MAGEA11: variants seen among roughly 807,000 people sequenced by gnomAD.
The protein encoded by MAGEA11 is melanoma-associated antigen 11.
Under a neutral mutation model 8.4 loss-of-function variants are expected in MAGEA11, and 1 was observed. That is an observed-to-expected ratio of 0.12 (90% confidence interval 0.04 to 0.57). The LOEUF is 0.57. Ranked by LOEUF, MAGEA11 falls within the 20% of genes least tolerant of loss-of-function variation. The pLI is 0.91. For synonymous variants in MAGEA11, 127 were observed against 119.3 expected (o/e 1.06, Z -0.42); for missense variants, 209 against 317.3 (o/e 0.66, Z 2.59).
At chrX:149,701,403 T>C (rs1557361004) in intron 1 of MAGEA11, among the ~76,000 whole-genome samples, 1 of 110,947 alleles carries the variant, frequency 9.0e-6, no homozygotes, top group Admixed American at 9.6e-5. Context: ...ACCCACTTTT[T>C]GATGGGGTTG....
At chrX:149,707,444 T>C (rs782149066), upstream of MAGEA11, among the ~76,000 whole-genome samples, 224 of 112,108 alleles carry the variant, frequency 2.0e-3, 1 homozygote, top group South Asian at 6.1e-3. Context: ...GGGGGAGGTC[T>C]TGTGATTTCT....
At chrX:149,696,620 C>T (rs1557360567) in intron 1 of MAGEA11, among the ~76,000 whole-genome samples, 1 of 110,636 alleles carries the variant, frequency 9.0e-6, no homozygotes, top group Non-Finnish European at 1.9e-5. Context: ...GGTCTTCTTC[C>T]AGACTCAGGA....
intron 1 of MAGEA11, among the ~76,000 whole-genome samples, chrX:149,691,330 A>T (rs1190843493): frequency 9.0e-6 from 1 of 110,989 alleles, no homozygotes; most frequent in Non-Finnish European, 1.9e-5. Context: ...CTCTATTATC[A>T]GTGTCATGTG....
intron 1 of MAGEA11, among the ~76,000 whole-genome samples, chrX:149,712,367 C>T (rs1164152913): frequency 8.9e-6 from 1 of 112,128 alleles, no homozygotes. Context: ...GGGGCCCCGG[C>T]CTTTCCAGGC....
upstream of MAGEA11, among the ~76,000 whole-genome samples, chrX:149,709,577 T>G (rs1428667044): frequency 1.8e-5 from 2 of 111,905 alleles, no homozygotes; most frequent in Non-Finnish European, 3.8e-5. Context: ...CCAAAGTTAC[T>G]CACATAGCAA....
rs2090352302 is a variant in MAGEA11 at position 149,701,346 on chromosome X, T to G, written c.9+12362T>G. On this transcript the variant is annotated intron_variant, in intron 1 of 3. Coordinates refer to the MAGEA11 transcript ENST00000333104. ...GGTGAGCATTTTTTCATGTGTTTTTTGGCTGCATAAATGTCTTCTTTTGAG... is the reference window on the plus strand; with the variant it reads ...GGTGAGCATTTTTTCATGTGTTTTTGGGCTGCATAAATGTCTTCTTTTGAG... Among the ~76,000 whole-genome samples, 8 of 109,857 alleles carry G rather than the reference T, an allele frequency of 7.3e-5. No homozygotes were observed. In the South Asian group the frequency reaches 2.8e-3, roughly 39 times the overall value.
At chrX:149,696,806 T>C (rs2090331906) in intron 1 of MAGEA11, among the ~76,000 whole-genome samples, 2 of 111,912 alleles carry the variant, frequency 1.8e-5, no homozygotes, top group Non-Finnish European at 3.8e-5. Flanking sequence ...TGGAAGCTTT[T>C]ACATGGCTTC....
At chrX:149,707,083 G>A (rs970153282), upstream of MAGEA11, among the ~76,000 whole-genome samples, 1 of 112,001 alleles carries the variant, frequency 8.9e-6, no homozygotes, top group Non-Finnish European at 1.9e-5. Flanking sequence ...ACCTGGTCCA[G>A]GAGCCAACAA....
intron 1 of MAGEA11, among the ~76,000 whole-genome samples, chrX:149,703,615 C>T (rs1439433130): frequency 8.9e-6 from 1 of 112,120 alleles, no homozygotes; most frequent in Non-Finnish European, 1.9e-5. Flanking sequence ...TTGCCCCAAG[C>T]AGGACTAGAA....
In MAGEA11 at chrX:149,694,599, A is replaced by G. The variant is rs782032226; in HGVS notation, c.9+5615A>G. Among the ~76,000 whole-genome samples, 7 of 112,530 alleles carry G rather than the reference A, an allele frequency of 6.2e-5. No individual in the cohort carries two copies. The East Asian group carries it at 1.9e-3, about 31-fold the overall frequency. The stretch of plus-strand genomic sequence containing the variant: ...AATTCACTTTCTCACTCTGCAAAAA[A>G]TCTATTTCGAATCTTCTCAAATCTC... On this transcript the variant is annotated intron_variant, in intron 1 of 3. Transcript: ENST00000333104.
chrX:149,688,545 C>A (rs1557359852), upstream of MAGEA11, among the ~76,000 whole-genome samples: 1 of 110,920 alleles, frequency 9.0e-6, no homozygotes, highest in Admixed American at 9.6e-5. Flanking sequence ...GACAACAGGA[C>A]AAATATTTTA....
chrX:149,706,041 G>A (rs782455686), intron 1 of MAGEA11, among the ~76,000 whole-genome samples: 6 of 111,950 alleles, frequency 5.4e-5, no homozygotes, highest in South Asian at 3.8e-4. Flanking sequence ...GGAAGCACTC[G>A]GTTCATGACA....
intron 1 of MAGEA11, among the ~76,000 whole-genome samples, chrX:149,693,276 T>C (rs2090317571): frequency 8.9e-6 from 1 of 112,417 alleles, no homozygotes; most frequent in Non-Finnish European, 1.9e-5. Context: ...AATTGGAATG[T>C]ATCTTATTCA....
At position 149,713,191 on chromosome X, in the gene MAGEA11, G is replaced by C; in HGVS notation, c.32G>C (p.Gly11Ala). 1 of 1,207,919 alleles carries C rather than the reference G, an allele frequency of 8.3e-7. No homozygotes were observed. Among genetic ancestry groups the C allele is most frequent in the Non-Finnish European group, 1.1e-6 (1 of 893,761 alleles). Residue 11 changes from glycine to alanine, a missense_variant, in exon 2 of 5, where the codon GGG becomes GCG. Physicochemically the swap from Gly to Ala is moderately conservative, Grantham distance 60. This residue lies in a region of MAGEA11 where 131 missense variants were observed against 138.5 expected (regional missense o/e 0.95). Transcript: ENST00000355220. The part of the protein sequence containing the change: METQFRRGGL[G>A]CSPASIKRKK... Reference sequence around the variant, plus strand: ...ACTCAGTTCCGCAGAGGGGGTCTGGGGTGCAGCCCTGCCAGCATCAAGAGG... The same window carrying C: ...ACTCAGTTCCGCAGAGGGGGTCTGGCGTGCAGCCCTGCCAGCATCAAGAGG...
chrX:149,703,993 C>G (rs1187769468), intron 1 of MAGEA11, among the ~76,000 whole-genome samples: 2 of 112,212 alleles, frequency 1.8e-5, no homozygotes, highest in African/African-American at 6.5e-5. Context: ...TTCAAACTTA[C>G]TTTCTTATGG....
rs782473364 is a variant in MAGEA11, at chrX:149,702,168, C to T, written c.10-12313C>T. ...ATTCCGCTGTTTTGGGTGCTGTGTT[C>T]TATAATTGGGGGTTAGGTCTGGCTG... is the stretch of plus-strand genomic sequence containing the variant. On this transcript the variant is annotated intron_variant, in intron 1 of 3. Transcript: ENST00000333104. 9.0e-5 allele frequency among the ~76,000 whole-genome samples: 10 copies of T among 111,504 alleles called. No individual in the cohort carries two copies. In the East Asian group the frequency reaches 2.5e-3, roughly 28 times the overall value.
intron 1 of MAGEA11, among the ~76,000 whole-genome samples, chrX:149,698,873 T>A (rs1452559979): frequency 1.8e-5 from 2 of 111,818 alleles, no homozygotes; most frequent in Non-Finnish European, 3.8e-5. Flanking sequence ...TGGTTTCCTG[T>A]TCCTGCATTA....
intron 1 of MAGEA11, among the ~76,000 whole-genome samples, chrX:149,694,264 T>C (rs1165723703): frequency 8.9e-6 from 1 of 112,528 alleles, no homozygotes; most frequent in Non-Finnish European, 1.9e-5. Context: ...TTCTAGTGTA[T>C]GTAAAGTGGT....
In MAGEA11 at chrX:149,715,692, G is replaced by A; in HGVS notation, c.266+15G>A. 8.3e-7 allele frequency: 1 copy of A among 1,199,288 alleles called. No individual in the cohort carries two copies. Among genetic ancestry groups the A allele is most frequent in the Non-Finnish European group, 1.1e-6 (1 of 884,945 alleles). The stretch of plus-strand genomic sequence containing the variant: ...GGAGAACAAGTGTAAGTAGGCCTTT[G>A]TTAGATTCTCCATGGTTCATATCTC... On this transcript the variant is annotated intron_variant, in intron 4 of 4. Coordinates refer to ENST00000355220, the MANE Select transcript of MAGEA11 (RefSeq NM_005366.5).
Sources: gnomAD v4.1 joint callset for allele counts (sites outside exome capture counted in the v4.1 genomes callset) on GRCh38, gnomAD v4.1.1 for gene constraint, gnomAD v4.1.1 regional missense constraint, MANE v1.5 for transcripts, NCBI Gene and HGNC (gene_info 2026-07-23, HGNC 2026-07-21) for gene names.